The following CCSER1 variants were observed in gnomAD, a reference collection of about 807,000 sequenced individuals.
The protein encoded by CCSER1 is coiled-coil serine rich protein 1.
CCSER1 carries 41 observed loss-of-function variants against 82.0 expected under a neutral mutation model. That is an observed-to-expected ratio of 0.50 (90% confidence interval 0.39 to 0.65). CCSER1 has a LOEUF of 0.65. Ranked by LOEUF, CCSER1 falls within the 30% of genes least tolerant of loss-of-function variation. The probability of loss-of-function intolerance (pLI) is 0.00; values close to 1 mark genes in which losing one functional copy is unlikely to be tolerated. For synonymous variants in CCSER1, 414 were observed against 383.9 expected (o/e 1.08, Z -0.92); for missense variants, 1,119 against 1,064.2 (o/e 1.05, Z -0.72).
At chr4:91,439,950 C>T (rs2149403866) in intron 10 of CCSER1, among the ~76,000 whole-genome samples, 1 of 152,242 alleles carries the variant, frequency 6.6e-6, no homozygotes, top group Non-Finnish European at 1.5e-5. Flanking sequence ...TACAGGAGCA[C>T]CCAGATTCAT....
Position 90,813,442 on chromosome 4 carries a change from G to T in CCSER1, c.2011-2320G>T, listed in dbSNP as rs139463515. 1.5e-3 allele frequency among the ~76,000 whole-genome samples: 231 copies of T among 152,314 alleles called. 1 individual carries two copies. The highest frequency in any genetic ancestry group is 5.4e-3 in the African/African-American group (224 of 41,578). On this transcript the variant is annotated intron_variant, in intron 7 of 10. Transcript: ENST00000509176. The stretch of plus-strand genomic sequence containing the variant: ...CTCCTTTCACAGCCTGGTGGTGAGT[G>T]CCTGATATAGTTTGGCTGTGTCCCC...
intron 8 of CCSER1, among the ~76,000 whole-genome samples, chr4:90,868,798 C>A (rs1430988235): frequency 6.6e-6 from 1 of 152,028 alleles, no homozygotes; most frequent in African/African-American, 2.4e-5. Flanking sequence ...TTCAAAGTGG[C>A]TGTACTAATT....
intron 8 of CCSER1, among the ~76,000 whole-genome samples, chr4:90,874,267 T>C (rs761813328): frequency 2.0e-5 from 3 of 152,206 alleles, no homozygotes; most frequent in Non-Finnish European, 4.4e-5. Context: ...ATAAATCCTT[T>C]ATCAACAAAC....
chr4:90,815,853 A>T lies in CCSER1; in HGVS notation c.2094+8A>T, dbSNP rs949855444. 59 of 1,546,452 alleles carry T rather than the reference A, an allele frequency of 3.8e-5. 1 individual carries two copies. The highest frequency in any genetic ancestry group is 4.9e-5 in the Non-Finnish European group (56 of 1,142,732). Reference sequence around the variant, plus strand: ...CAACTTCAGGAAGAGCTGGTAAGTGATAACAATGCTTGGCCCACGAGTGTA... The same window carrying T: ...CAACTTCAGGAAGAGCTGGTAAGTGTTAACAATGCTTGGCCCACGAGTGTA... On this transcript the variant is annotated splice_region_variant and intron_variant, in intron 8 of 10. Coordinates refer to ENST00000509176, the MANE Select transcript of CCSER1 (RefSeq NM_001145065.2).
At chr4:91,159,475 AGTATACAT>A (rs944641361) in intron 10 of CCSER1, among the ~76,000 whole-genome samples, 24 of 152,118 alleles carry the variant, frequency 1.6e-4, no homozygotes, top group African/African-American at 5.1e-4. Context: ...GTCTGTTAGT[AGTATACAT>A]GTCCTTTTAA....
At chr4:91,443,021 G>T (rs985759791) in intron 10 of CCSER1, among the ~76,000 whole-genome samples, 1 of 152,034 alleles carries the variant, frequency 6.6e-6, no homozygotes, top group Non-Finnish European at 1.5e-5. Context: ...TTACACTGTT[G>T]GTGGGACTGT....
At chr4:91,148,927 T>C (rs976481273) in intron 10 of CCSER1, among the ~76,000 whole-genome samples, 10 of 152,208 alleles carry the variant, frequency 6.6e-5, no homozygotes, top group Admixed American at 6.5e-4. Flanking sequence ...CTATTGTGAA[T>C]AGTGCCACAA....
chr4:90,226,522 A>G (rs989302510), intron 1 of CCSER1, among the ~76,000 whole-genome samples: 1 of 152,232 alleles, frequency 6.6e-6, no homozygotes, highest in Non-Finnish European at 1.5e-5. Flanking sequence ...AAGAAAATTC[A>G]TATCAACTAT....
At chr4:90,682,273 AG>A (rs1734031691) in intron 6 of CCSER1, among the ~76,000 whole-genome samples, 1 of 151,872 alleles carries the variant, frequency 6.6e-6, no homozygotes, top group African/African-American at 2.4e-5. Context: ...TTAAAAAAAA[AG>A]AAAAAAAAAG....
chr4:91,536,754 A>G (rs1761318278), intron 10 of CCSER1, among the ~76,000 whole-genome samples: 1 of 152,112 alleles, frequency 6.6e-6, no homozygotes, highest in East Asian at 1.9e-4. Flanking sequence ...TTCAAAGAAT[A>G]TTAAACAATC....
chr4:91,581,681 G>A (rs1225384980), intron 10 of CCSER1, among the ~76,000 whole-genome samples: 1 of 151,554 alleles, frequency 6.6e-6, no homozygotes, highest in Non-Finnish European at 1.5e-5. Flanking sequence ...TCATTCTTAA[G>A]CTCTTGAGTA....
intron 9 of CCSER1, among the ~76,000 whole-genome samples, chr4:91,047,725 C>G (rs73834747): frequency 1.5e-4 from 23 of 152,158 alleles, no homozygotes; most frequent in Non-Finnish European, 2.6e-4. Context: ...AGTTCTTATT[C>G]TCAGAGGCCA....
chr4:90,234,030 A>T lies in CCSER1; in HGVS notation c.-41-74214A>T, dbSNP rs192850912. On this transcript the variant is annotated intron_variant, in intron 1 of 10. Transcript: ENST00000509176. Reference sequence around the variant, plus strand: ...TAAACATTTAAAAAATGTTGTGCTTATATGATATCAATGGAAAACAAATAC... The same window carrying T: ...TAAACATTTAAAAAATGTTGTGCTTTTATGATATCAATGGAAAACAAATAC... Among the ~76,000 whole-genome samples the T allele has an allele frequency of 4.6e-4, 70 of 152,324 alleles. No individual in the cohort carries two copies. In the East Asian group the frequency reaches 0.01, roughly 22 times the overall value.
At chr4:90,714,888 T>A (rs1012075144) in intron 6 of CCSER1, among the ~76,000 whole-genome samples, 6 of 151,982 alleles carry the variant, frequency 3.9e-5, no homozygotes, top group Non-Finnish European at 1.5e-5. Context: ...CATGAAATAG[T>A]TGTATTTTCT....
chr4:90,501,300 C>A (rs1769832605), intron 5 of CCSER1, among the ~76,000 whole-genome samples: 1 of 152,048 alleles, frequency 6.6e-6, no homozygotes, highest in Admixed American at 6.6e-5. Flanking sequence ...ACTTAAATTT[C>A]CGGTCTTTAA....
chr4:90,437,659 T>C (rs1356114473), intron 4 of CCSER1, among the ~76,000 whole-genome samples: 2 of 152,148 alleles, frequency 1.3e-5, no homozygotes, highest in Admixed American at 6.5e-5. Flanking sequence ...TACCAGAACA[T>C]ACCAGAACAT....
At chr4:90,258,216 T>G (rs1323301252) in intron 1 of CCSER1, among the ~76,000 whole-genome samples, 1 of 152,160 alleles carries the variant, frequency 6.6e-6, no homozygotes, top group Non-Finnish European at 1.5e-5. Flanking sequence ...AATTATTTAC[T>G]CATTTAAAAA....
intron 1 of CCSER1, among the ~76,000 whole-genome samples, chr4:90,217,584 T>C (rs1182134866): frequency 6.6e-6 from 1 of 152,180 alleles, no homozygotes; most frequent in Non-Finnish European, 1.5e-5. Context: ...ATGCCTTTTA[T>C]TTCCTTCTCT....
At chr4:90,151,375 A>G (rs533859178) in intron 1 of CCSER1, among the ~76,000 whole-genome samples, 40 of 152,192 alleles carry the variant, frequency 2.6e-4, no homozygotes, top group African/African-American at 9.6e-4. Flanking sequence ...TTAGATTATT[A>G]GGCTTAATAT....
Sources: gnomAD v4.1 joint callset for allele counts (sites outside exome capture counted in the v4.1 genomes callset) on GRCh38, gnomAD v4.1.1 for gene constraint, MANE v1.5 for transcripts, NCBI Gene and HGNC (gene_info 2026-07-23, HGNC 2026-07-21) for gene names.